Variants in GCNT1 observed in about 807,000 individuals in gnomAD.
GCNT1 encodes the protein glucosaminyl (N-acetyl) transferase 1, also known as beta-1,3-galactosyl-O-glycosyl-glycoprotein beta-1,6-N-acetylglucosaminyltransferase.
Under a neutral mutation model 26.2 loss-of-function variants are expected in GCNT1, and 16 were observed. The observed-to-expected ratio is 0.61, with a 90% CI of 0.41 to 0.93. The LOEUF (loss-of-function observed/expected upper bound fraction) is 0.93, where lower values mean the gene tolerates loss of function less well. Ranked by LOEUF, GCNT1 falls within the 40% of genes least tolerant of loss-of-function variation. GCNT1 has a pLI of 0.00. For missense variants in GCNT1, 477 were observed against 526.7 expected (o/e 0.91, Z 0.92); for synonymous variants, 183 against 190.8 (o/e 0.96, Z 0.34).
chr9:76,411,311 T>G, the GCNT1 span, among the ~76,000 whole-genome samples: 1 of 152,104 alleles, frequency 6.6e-6, no homozygotes, highest in Non-Finnish European at 1.5e-5. Flanking sequence ...GGGGGTTTTT[T>G]TTGTTTGTTT....
At chr9:76,456,702 G>A (rs190901743), upstream of GCNT1, among the ~76,000 whole-genome samples, 14 of 152,348 alleles carry the variant, frequency 9.2e-5, no homozygotes, top group Admixed American at 2.0e-4. Context: ...GCTGGGCAAG[G>A]TGGCTCACAC....
the GCNT1 span, among the ~76,000 whole-genome samples, chr9:76,398,465 G>A: frequency 4.6e-5 from 7 of 152,186 alleles, no homozygotes; most frequent in Non-Finnish European, 1.0e-4. Flanking sequence ...ATTCATTGTT[G>A]GTGGGAATAC....
At chr9:76,400,531 A>G in the GCNT1 span, among the ~76,000 whole-genome samples, 1 of 152,248 alleles carries the variant, frequency 6.6e-6, no homozygotes, top group Non-Finnish European at 1.5e-5. Context: ...CCTCTGTCTT[A>G]GGATCAGTCT....
At chr9:76,451,425 C>T (rs1415656361) in intron 1 of GCNT1, among the ~76,000 whole-genome samples, 1 of 152,104 alleles carries the variant, frequency 6.6e-6, no homozygotes, top group Non-Finnish European at 1.5e-5. Flanking sequence ...AATCCTAAGC[C>T]TCCTACATGG....
At chr9:76,434,818 G>T (rs1403488219) in intron 1 of GCNT1, among the ~76,000 whole-genome samples, 1 of 152,128 alleles carries the variant, frequency 6.6e-6, no homozygotes, top group Non-Finnish European at 1.5e-5. Flanking sequence ...CCTAGGAAAA[G>T]AATTGCATTC....
At chr9:76,457,527 G>C (rs1210389876), upstream of GCNT1, among the ~76,000 whole-genome samples, 1 of 152,176 alleles carries the variant, frequency 6.6e-6, no homozygotes, top group African/African-American at 2.4e-5. Flanking sequence ...GGAATTACAG[G>C]CATGAGCCAC....
chr9:76,439,222 T>TC (rs1823448438), upstream of GCNT1, among the ~76,000 whole-genome samples: 1 of 145,042 alleles, frequency 6.9e-6, no homozygotes, highest in Non-Finnish European at 1.5e-5. Flanking sequence ...CTTTTCTTTT[T>TC]CTTTTTTTTT....
At chr9:76,398,311 A>G in the GCNT1 span, among the ~76,000 whole-genome samples, 6 of 152,270 alleles carry the variant, frequency 3.9e-5, no homozygotes, top group African/African-American at 1.4e-4. Flanking sequence ...TAAGCATATG[A>G]AAAGATGTTC....
At chr9:76,393,969 A>C in the GCNT1 span, 1 of 842,156 alleles carries the variant, frequency 1.2e-6, no homozygotes, top group Non-Finnish European at 1.8e-6. Context: ...CGGGAGGAGG[A>C]AGGGTGTGCT....
intron 2 of GCNT1, among the ~76,000 whole-genome samples, chr9:76,498,921 C>A (rs1824984964): frequency 6.6e-6 from 1 of 151,624 alleles, no homozygotes; most frequent in Admixed American, 6.6e-5. Flanking sequence ...ATAAATTTGT[C>A]TGTATATATA....
chr9:76,462,465 C>T lies in GCNT1; in HGVS notation c.-290+2288C>T, dbSNP rs552914956. Among the ~76,000 whole-genome samples the T allele has an allele frequency of 3.3e-5, 5 of 152,248 alleles. No homozygotes were observed. In the South Asian group the frequency reaches 1.0e-3, roughly 32 times the overall value. Reference sequence around the variant, plus strand: ...AGTTAAATTCTGTTGTGGGGGCTGTCCTGTGCATTGCAGGATGTTTAGCAG... The same window carrying T: ...AGTTAAATTCTGTTGTGGGGGCTGTTCTGTGCATTGCAGGATGTTTAGCAG... On this transcript the variant is annotated intron_variant, in intron 2 of 3. Transcript: ENST00000376730.
At chr9:76,394,353 G>C in the GCNT1 span, 1 of 536,524 alleles carries the variant, frequency 1.9e-6, no homozygotes, top group African/African-American at 2.0e-5. Flanking sequence ...TGACGCCGCC[G>C]ACCCAACAAA....
chr9:76,418,648 C>A (rs1215618281), upstream of GCNT1, among the ~76,000 whole-genome samples: 1 of 152,098 alleles, frequency 6.6e-6, no homozygotes, highest in Non-Finnish European at 1.5e-5. Flanking sequence ...CCCAATAACC[C>A]AAATGAGGTC....
intron 2 of GCNT1, among the ~76,000 whole-genome samples, chr9:76,497,747 C>A (rs978909029): frequency 1.3e-5 from 2 of 152,130 alleles, no homozygotes; most frequent in South Asian, 4.1e-4. Context: ...GATAATTCTA[C>A]TTCTCCTGTT....
chr9:76,463,681 G>A (rs1027655695), intron 2 of GCNT1, among the ~76,000 whole-genome samples: 15 of 152,240 alleles, frequency 9.9e-5, no homozygotes, highest in African/African-American at 3.1e-4. Context: ...TTAGATGCCC[G>A]GCATTGCTCG....
chr9:76,502,179 G>GTATATA (rs59104914), intron 3 of GCNT1, 60 bp from the exon 4 acceptor site: 14 of 154,746 alleles, frequency 9.0e-5, no homozygotes, highest in Non-Finnish European at 1.7e-4. Context: ...CTCTCTCTCT[G>GTATATA]TATATATATA....
chr9:76,445,491 G>A (rs1223544743), intron 1 of GCNT1, among the ~76,000 whole-genome samples: 2 of 151,930 alleles, frequency 1.3e-5, no homozygotes, highest in African/African-American at 4.8e-5. Flanking sequence ...GGGCTCAAGC[G>A]ATTCTTGTCC....
rs1170955479 is a variant in GCNT1 at position 76,502,198 on chromosome 9, TATA to T, written c.-143-40_-143-38del. ...CTCTCTGTATATATATATATATATA[TATA>T]TATTTATTTATATTTATAATTGCTT... On this transcript the variant is annotated intron_variant, in intron 3 of 3. Coordinates refer to ENST00000376730, the MANE Select transcript of GCNT1 (RefSeq NM_001490.5). 2.5e-3 allele frequency: 512 copies of T among 204,118 alleles called. 3 individuals carry two copies. The highest frequency in any genetic ancestry group is 0.011 in the African/African-American group (487 of 42,432). 12.6% of individuals were successfully genotyped at this position (204,118 alleles called of 1,614,324 possible). A position where few individuals can be genotyped will look rare whatever the true frequency, so the allele number is the denominator to read the frequency against.
At chr9:76,493,080 G>T (rs1483333387) in intron 2 of GCNT1, among the ~76,000 whole-genome samples, 1 of 152,172 alleles carries the variant, frequency 6.6e-6, no homozygotes, top group Non-Finnish European at 1.5e-5. Flanking sequence ...GCCGCTTGAG[G>T]AAGGCAGAAG....
Sources: allele counts gnomAD v4.1 joint callset (sites outside exome capture counted in the v4.1 genomes callset), GRCh38; gene constraint gnomAD v4.1.1; transcripts MANE v1.5; gene names NCBI Gene and HGNC (gene_info 2026-07-23, HGNC 2026-07-21).